ATP10B: variants seen among roughly 807,000 people sequenced by gnomAD.
The protein encoded by ATP10B is phospholipid-transporting ATPase VB.
In ATP10B, 122 loss-of-function variants were observed where a neutral mutation model predicts 141.2. That is an observed-to-expected ratio of 0.86 (90% confidence interval 0.75 to 1.00). ATP10B has a LOEUF of 1.00. ATP10B is among the 50% of genes least tolerant of loss of function. The pLI is 0.00. For synonymous variants in ATP10B, 685 were observed against 692.0 expected (o/e 0.99, Z 0.16); for missense variants, 1,876 against 1,825.3 (o/e 1.03, Z -0.51).
At chr5:160,654,630 T>G (rs2127703187) in intron 7 of ATP10B, among the ~76,000 whole-genome samples, 1 of 152,308 alleles carries the variant, frequency 6.6e-6, no homozygotes, top group African/African-American at 2.4e-5. Flanking sequence ...GAGACTAAAG[T>G]GTCTCATGGT....
chr5:160,701,147 T>A (rs1034246578), intron 3 of ATP10B, among the ~76,000 whole-genome samples: 5 of 152,136 alleles, frequency 3.3e-5, no homozygotes, highest in Non-Finnish European at 7.3e-5. Context: ...TTTTCCACAG[T>A]GAAATCAGAA....
At position 160,615,900 on chromosome 5, in the gene ATP10B, T is replaced by G; in HGVS notation, c.2591A>C (p.Asp864Ala). 1.9e-6 allele frequency: 3 copies of G among 1,614,016 alleles called. No homozygotes were observed. Among genetic ancestry groups the G allele is most frequent in the Non-Finnish European group, 2.5e-6 (3 of 1,179,912 alleles). ...SFRREAEASL[D>A]NRDELLMETA... ...TTCCATGAGAAGCTCATCTCGGTTG[T>G]CGAGGGATGCCTCAGCCTCACGCCG... Residue 864 changes from aspartate to alanine, a missense_variant, in exon 17 of 26, where the codon GAC (aspartate) becomes GCC (alanine). Physicochemically the swap from Asp to Ala is moderately radical, Grantham distance 126. Transcript: ENST00000327245.
chr5:160,605,850 G>A (rs1485993378), intron 19 of ATP10B, among the ~76,000 whole-genome samples: 3 of 152,166 alleles, frequency 2.0e-5, no homozygotes, highest in African/African-American at 4.8e-5. Context: ...CTTTCTACTC[G>A]AGGAACTCAT....
intron 1 of ATP10B, among the ~76,000 whole-genome samples, chr5:160,799,332 A>T (rs1772197101): frequency 6.6e-6 from 1 of 152,122 alleles, no homozygotes; most frequent in Admixed American, 6.5e-5. Flanking sequence ...CAACCACTTG[A>T]GGTTTCAAAA....
At chr5:160,735,106 A>T (rs1422526965) in intron 2 of ATP10B, among the ~76,000 whole-genome samples, 1 of 151,538 alleles carries the variant, frequency 6.6e-6, no homozygotes, top group Non-Finnish European at 1.5e-5. Context: ...TAAAAAAAAA[A>T]AAAACACCGG....
rs761560951 is a variant in ATP10B at position 160,620,448 on chromosome 5, C to T, written c.2315G>A (p.Arg772Lys). 1 of 1,614,240 alleles carries T rather than the reference C, an allele frequency of 6.2e-7. No homozygotes were observed. Among genetic ancestry groups the T allele is most frequent in the South Asian group, 1.1e-5 (1 of 91,090 alleles). Residue 772 changes from arginine to lysine, a missense_variant, in exon 15 of 26, where the codon AGA becomes AAA. Physicochemically the swap from Arg to Lys is conservative, Grantham distance 26. Transcript: ENST00000327245. ...TGGGTGCCTCACAACCACAGACATT[C>T]TCTTCCTGACAGAGTCAAAGCCCAG... ...CTLGFDSVRK[R>K]MSVVVRHPLT... is the part of the protein sequence containing the mutation.
the ATP10B span, among the ~76,000 whole-genome samples, chr5:160,882,284 T>G: frequency 1.3e-5 from 2 of 152,024 alleles, no homozygotes; most frequent in South Asian, 4.2e-4. Flanking sequence ...TCAGTGTAGA[T>G]TCTTCAATTT....
upstream of ATP10B, among the ~76,000 whole-genome samples, chr5:160,853,001 G>T (rs1030935475): frequency 6.6e-6 from 1 of 152,138 alleles, no homozygotes; most frequent in African/African-American, 2.4e-5. Flanking sequence ...GATTTTGGTT[G>T]GTTGGTAGAG....
At chr5:160,895,031 C>A in the ATP10B span, among the ~76,000 whole-genome samples, 1 of 152,278 alleles carries the variant, frequency 6.6e-6, no homozygotes, top group South Asian at 2.1e-4. Flanking sequence ...ACCAGGACTG[C>A]CTTACAAGAG....
chr5:160,811,333 G>C (rs1773138623), intron 1 of ATP10B, among the ~76,000 whole-genome samples: 1 of 152,172 alleles, frequency 6.6e-6, no homozygotes, highest in Non-Finnish European at 1.5e-5. Flanking sequence ...TGCACCTTAT[G>C]TACCAGCTCA....
chr5:160,576,586 A>G (rs146036981), intron 24 of ATP10B, among the ~76,000 whole-genome samples: 19 of 152,334 alleles, frequency 1.2e-4, no homozygotes, highest in East Asian at 3.9e-4. Flanking sequence ...ACAAGACACA[A>G]TGGGAGCCCC....
chr5:160,697,189 T>C (rs1225794337), intron 3 of ATP10B, among the ~76,000 whole-genome samples: 2 of 152,234 alleles, frequency 1.3e-5, no homozygotes, highest in African/African-American at 2.4e-5. Flanking sequence ...TCAAAAAAGA[T>C]ATCTAGTTGC....
At chr5:160,813,517 C>T (rs1326680685) in intron 1 of ATP10B, among the ~76,000 whole-genome samples, 1 of 152,186 alleles carries the variant, frequency 6.6e-6, no homozygotes. Flanking sequence ...CACTGCAGCT[C>T]AAGGAGGCCT....
chr5:160,791,386 C>A (rs1771558552), intron 1 of ATP10B, among the ~76,000 whole-genome samples: 1 of 152,092 alleles, frequency 6.6e-6, no homozygotes, highest in Non-Finnish European at 1.5e-5. Context: ...CGGCTTGAAA[C>A]CTGCCTGTGC....
intron 3 of ATP10B, among the ~76,000 whole-genome samples, chr5:160,690,617 A>G (rs1486707179): frequency 2.0e-5 from 3 of 152,238 alleles, no homozygotes; most frequent in Non-Finnish European, 4.4e-5. Context: ...GGTCATCATC[A>G]CTAGTTGTTA....
At position 160,653,431 on chromosome 5, in the gene ATP10B, T is replaced by TA. The variant is rs1561704107; in HGVS notation, c.676-4176_676-4175insT. Among the ~76,000 whole-genome samples, 11 of 6,112 alleles carry TA rather than the reference T, an allele frequency of 1.8e-3. 1 individual carries two copies. The highest frequency in any genetic ancestry group is 2.8e-3 in the Non-Finnish European group (7 of 2,530). 4.0% of individuals were successfully genotyped at this position (6,112 alleles called of 152,430 possible). ...CATACATAGGTAGTATATATACATA[T>TA]GTACATACATACATAGGTAGTATAT... is the stretch of plus-strand genomic sequence containing the variant. On this transcript the variant is annotated intron_variant, in intron 7 of 25. Transcript: ENST00000327245.
At chr5:160,900,460 CAG>C in the ATP10B span, among the ~76,000 whole-genome samples, 1 of 152,280 alleles carries the variant, frequency 6.6e-6, no homozygotes, top group East Asian at 1.9e-4. Context: ...CTTGTAAATG[CAG>C]AGATAGGATT....
chr5:160,589,012 T>C lies in ATP10B; in HGVS notation c.3750+580A>G, dbSNP rs180968655. Among the ~76,000 whole-genome samples the C allele has an allele frequency of 6.1e-4, 93 of 152,138 alleles. 1 individual carries two copies. Among genetic ancestry groups the C allele is most frequent in the Non-Finnish European group, 1.1e-3 (77 of 67,992 alleles). The stretch of plus-strand genomic sequence containing the variant: ...TGTCTCTGAAACACGCCTGAACTGT[T>C]TTTGTTTTTTGTTTTTTGAGATGGA... On this transcript the variant is annotated intron_variant, in intron 24 of 25. Transcript: ENST00000327245.
At chr5:160,639,348 A>G (rs1016536561) in intron 10 of ATP10B, among the ~76,000 whole-genome samples, 1 of 152,230 alleles carries the variant, frequency 6.6e-6, no homozygotes. Context: ...ACTATCTTAT[A>G]TGGCCAAAGG....
Sources: allele counts gnomAD v4.1 joint callset (sites outside exome capture counted in the v4.1 genomes callset), GRCh38; gene constraint gnomAD v4.1.1; transcripts MANE v1.5; gene names NCBI Gene and HGNC (gene_info 2026-07-23, HGNC 2026-07-21).